Variants in ABCC1 observed in about 807,000 individuals in gnomAD.
ABCC1 encodes the protein multidrug resistance-associated protein 1.
ABCC1 carries 83 observed loss-of-function variants against 172.9 expected under a neutral mutation model. That is an observed-to-expected ratio of 0.48 (90% CI 0.40 to 0.58). ABCC1 has a LOEUF of 0.58. Among genes scored for constraint, ABCC1 ranks in the 20% least tolerant of loss-of-function variants. The probability of loss-of-function intolerance (pLI) is 0.00; values close to 1 mark genes in which losing one functional copy is unlikely to be tolerated. For missense variants in ABCC1, 1,817 were observed against 2,002.7 expected (o/e 0.91, Z 1.77); for synonymous variants, 937 against 825.2 (o/e 1.14, Z -2.32).
chr16:16,042,689 CAA>C (rs971683310), intron 7 of ABCC1, among the ~76,000 whole-genome samples: 4 of 139,998 alleles, frequency 2.9e-5, no homozygotes, highest in East Asian at 2.1e-4. Context: ...TGTGATAGAG[CAA>C]GACTCCATCT....
intron 12 of ABCC1, among the ~76,000 whole-genome samples, chr16:16,063,348 TCCGCC>T (rs1386729027): frequency 3.3e-5 from 5 of 152,174 alleles, no homozygotes; most frequent in Admixed American, 3.3e-4. Context: ...CCTCAAGTGA[TCCGCC>T]CACCTCGGCC....
chr16:16,077,900 G>A (rs1204159452), intron 15 of ABCC1, among the ~76,000 whole-genome samples: 1 of 152,166 alleles, frequency 6.6e-6, no homozygotes, highest in East Asian at 1.9e-4. Flanking sequence ...GTGCATGCCT[G>A]TAATCCCAGC....
At chr16:16,104,842 G>T (rs1056223156) in intron 20 of ABCC1, among the ~76,000 whole-genome samples, 4 of 152,182 alleles carry the variant, frequency 2.6e-5, no homozygotes, top group Admixed American at 2.0e-4. Flanking sequence ...AGCCCGGTGA[G>T]AAATCAAGTG....
chr16:16,007,901 ACCTCT>A lies in ABCC1; in HGVS notation c.135_139del (p.Tyr45Ter). 6.2e-7 allele frequency: 1 copy of A among 1,612,472 alleles called. No individual in the cohort carries two copies. ...GTCCTCGTGTGGGTGCCTTGTTTTT[ACCTCT>A]GGGCCTGTTTCCCCTTCTACTTCCT... On this transcript the variant is annotated stop_gained and frameshift_variant, in exon 2 of 31. Transcript: ENST00000399410. LOFTEE classifies it high-confidence loss of function.
chr16:16,143,007 AC>A lies in ABCC1; in HGVS notation c.*1727del, dbSNP rs1455304125. On this transcript the variant is annotated 3_prime_UTR_variant, in exon 31 of 31. Transcript: ENST00000399410. ...TTGGGGGATCCTTTTGTAATGACTT[AC>A]ACTGGAAATGCGAACATTTGCAGTA... 25 of 152,352 alleles carry A rather than the reference AC, an allele frequency of 1.6e-4. No individual in the cohort carries two copies. Among genetic ancestry groups the A allele is most frequent in the Admixed American group, 1.6e-3 (25 of 15,284 alleles). 9.4% of individuals were successfully genotyped at this position (152,352 alleles called of 1,614,324 possible).
chr16:16,056,173 G>A lies in ABCC1; in HGVS notation c.1555G>A (p.Ala519Thr). The stretch of plus-strand genomic sequence containing the variant: ...TGGGATCAAAGTGCTAAAGCTTTAT[G>A]CCTGGGAGCTGGCATTCAAGGACAA... ...LNGIKVLKLYAWELAFKDKVL... is the reference protein window; with the variant it reads ...LNGIKVLKLYTWELAFKDKVL... Residue 519 changes from alanine (A) to threonine (T), a missense_variant, in exon 12 of 31, where the codon GCC (alanine) becomes ACC (threonine). Coordinates refer to ENST00000399410, the MANE Select transcript of ABCC1 (RefSeq NM_004996.4). The A allele has an allele frequency of 6.2e-7, 1 of 1,614,096 alleles. No homozygotes were observed. The highest frequency in any genetic ancestry group is 8.5e-7 in the Non-Finnish European group (1 of 1,180,018).
intron 1 of ABCC1, among the ~76,000 whole-genome samples, chr16:15,982,928 C>T (rs778611310): frequency 6.6e-6 from 1 of 150,906 alleles, no homozygotes; most frequent in Non-Finnish European, 1.5e-5. Flanking sequence ...AATGGCAATT[C>T]ATATGGTTCA....
intron 1 of ABCC1, among the ~76,000 whole-genome samples, chr16:16,002,804 T>C (rs1340283285): frequency 2.0e-5 from 3 of 151,532 alleles, no homozygotes; most frequent in Non-Finnish European, 4.4e-5. Context: ...TTTTTAATAT[T>C]AGCTAAGTAA....
chr16:16,060,868 G>A (rs1235785538), intron 12 of ABCC1, among the ~76,000 whole-genome samples: 1 of 151,922 alleles, frequency 6.6e-6, no homozygotes, highest in East Asian at 1.9e-4. Flanking sequence ...CCAGGCTGGA[G>A]TGCATTGGCA....
chr16:16,124,685 T>TA (rs2045357498), intron 24 of ABCC1, 104 bp from the exon 25 acceptor site: 6 of 1,510,920 alleles, frequency 4.0e-6, no homozygotes, highest in Non-Finnish European at 5.4e-6. Flanking sequence ...ACTGCGGAGT[T>TA]ACTTGAGTTA....
At chr16:16,083,872 C>T (rs1304868307) in intron 17 of ABCC1, among the ~76,000 whole-genome samples, 1 of 152,132 alleles carries the variant, frequency 6.6e-6, no homozygotes, top group Non-Finnish European at 1.5e-5. Flanking sequence ...CCCTTCTACT[C>T]ACAAAGCAAG....
chr16:16,104,830 A>G (rs928701587), intron 20 of ABCC1, among the ~76,000 whole-genome samples: 1 of 152,266 alleles, frequency 6.6e-6, no homozygotes, highest in African/African-American at 2.4e-5. Flanking sequence ...GGAGGCAGCT[A>G]AAGCCCGGTG....
intron 1 of ABCC1, among the ~76,000 whole-genome samples, chr16:15,953,208 C>T (rs1045186327): frequency 4.6e-5 from 7 of 151,910 alleles, no homozygotes; most frequent in Non-Finnish European, 2.9e-5. Context: ...TGGTGATTCA[C>T]GCCTGTAATT....
chr16:16,010,037 CTTTT>C (rs71388789), intron 3 of ABCC1, 136 bp downstream of exon 3: 3,511 of 107,904 alleles, frequency 0.033, 1 homozygote, highest in Middle Eastern at 0.11. Context: ...TAAATGTAGC[CTTTT>C]TTTTTTTTTT....
At chr16:16,050,287 C>A (rs557885116) in intron 10 of ABCC1, among the ~76,000 whole-genome samples, 1 of 151,858 alleles carries the variant, frequency 6.6e-6, no homozygotes, top group Non-Finnish European at 1.5e-5. Context: ...GGCAAAACCC[C>A]GTCTCTACTA....
chr16:16,134,245 C>A, intron 27 of ABCC1, 105 bp from the exon 28 acceptor site: 1 of 1,440,426 alleles, frequency 6.9e-7, no homozygotes, highest in Non-Finnish European at 9.6e-7. Flanking sequence ...GTTGGGTTGA[C>A]CAGATGACTG....
intron 12 of ABCC1, among the ~76,000 whole-genome samples, chr16:16,059,599 G>T (rs1192213594): frequency 6.6e-6 from 1 of 152,146 alleles, no homozygotes; most frequent in Non-Finnish European, 1.5e-5. Context: ...GAGGCTAGCA[G>T]ATTGAGACCA....
intron 1 of ABCC1, among the ~76,000 whole-genome samples, chr16:16,000,199 T>A (rs766465238): frequency 1.4e-4 from 21 of 150,260 alleles, no homozygotes; most frequent in Admixed American, 4.7e-4. Flanking sequence ...CAGGTTGGAG[T>A]GCAATGGTGT....
intron 3 of ABCC1, 88 bp from the exon 4 acceptor site, chr16:16,014,403 C>G (rs913311658): frequency 1.3e-5 from 19 of 1,460,194 alleles, no homozygotes; most frequent in Non-Finnish European, 1.8e-5. Context: ...GCTGAGATTG[C>G]ACCACTGCGC....
Sources: allele counts gnomAD v4.1 joint callset (sites outside exome capture counted in the v4.1 genomes callset), GRCh38; gene constraint gnomAD v4.1.1; transcripts MANE v1.5; gene names NCBI Gene and HGNC (gene_info 2026-07-23, HGNC 2026-07-21).